SHISAL1: variants seen among roughly 807,000 people sequenced by gnomAD.
The protein encoded by SHISAL1 is protein shisa-like-1.
Under a neutral mutation model 22.6 loss-of-function variants are expected in SHISAL1, and 9 were observed. The observed-to-expected ratio is 0.40, with a 90% CI of 0.24 to 0.70. SHISAL1 has a LOEUF of 0.70. Among genes scored for constraint, SHISAL1 ranks in the 30% least tolerant of loss-of-function variants. The probability of loss-of-function intolerance (pLI) is 0.39; values close to 1 mark genes in which losing one functional copy is unlikely to be tolerated. For synonymous variants in SHISAL1, 119 were observed against 115.4 expected (o/e 1.03, Z -0.20); for missense variants, 246 against 270.6 (o/e 0.91, Z 0.64).
chr22:44,317,101 G>A (rs780738108), upstream of SHISAL1, among the ~76,000 whole-genome samples: 11 of 152,174 alleles, frequency 7.2e-5, no homozygotes, highest in Non-Finnish European at 1.6e-4. Flanking sequence ...CCCCATCGTC[G>A]GCTGGAGGGC....
intron 1 of SHISAL1, among the ~76,000 whole-genome samples, chr22:44,302,966 A>C (rs1397985102): frequency 6.6e-6 from 1 of 152,060 alleles, no homozygotes; most frequent in Non-Finnish European, 1.5e-5. Context: ...TTGGGGTATC[A>C]GCAGGGCCAC....
chr22:44,328,493 C>G, the SHISAL1 span, among the ~76,000 whole-genome samples: 1 of 152,112 alleles, frequency 6.6e-6, no homozygotes, highest in South Asian at 2.1e-4. Context: ...TGAGCCTGTT[C>G]GGTGAAGTCC....
chr22:44,257,728 C>T (rs1194704907), intron 4 of SHISAL1, among the ~76,000 whole-genome samples: 2 of 152,236 alleles, frequency 1.3e-5, no homozygotes, highest in African/African-American at 4.8e-5. Flanking sequence ...CCACCGTGCT[C>T]AGCAGACGAT....
rs150002253 is a variant in SHISAL1 at position 44,247,505 on chromosome 22, C to T, written c.*2180G>A. The T allele has an allele frequency of 4.3e-4, 66 of 152,576 alleles. No individual in the cohort carries two copies. The East Asian group carries it at 8.9e-3, about 21-fold the overall frequency. 9.5% of individuals were successfully genotyped at this position (152,576 alleles called of 1,614,324 possible). A position where few individuals can be genotyped will look rare whatever the true frequency, so the allele number is the denominator to read the frequency against. The stretch of plus-strand genomic sequence containing the variant: ...TCCTTTCTCCAATCGAGACCCCAAG[C>T]AGAGGTTCTCCCACTTTGCCAAGCC... On this transcript the variant is annotated 3_prime_UTR_variant, in exon 5 of 5. Coordinates refer to ENST00000381176, the MANE Select transcript of SHISAL1 (RefSeq NM_001099294.2).
intron 1 of SHISAL1, among the ~76,000 whole-genome samples, chr22:44,306,028 TC>T (rs1210905321): frequency 6.6e-6 from 1 of 152,200 alleles, no homozygotes; most frequent in Non-Finnish European, 1.5e-5. Flanking sequence ...TTTCTAATGA[TC>T]TGAGACAGCA....
intron 4 of SHISAL1, among the ~76,000 whole-genome samples, chr22:44,255,042 C>T (rs1206825008): frequency 2.0e-5 from 3 of 152,190 alleles, no homozygotes; most frequent in Non-Finnish European, 4.4e-5. Flanking sequence ...GCAGTCCCCT[C>T]TCCTGATCCT....
At chr22:44,262,363 G>C (rs2055131065) in intron 4 of SHISAL1, among the ~76,000 whole-genome samples, 1 of 151,968 alleles carries the variant, frequency 6.6e-6, no homozygotes, top group African/African-American at 2.4e-5. Context: ...AAGGTGTCTG[G>C]ACCTGATCCC....
At chr22:44,318,443 G>A in the SHISAL1 span, among the ~76,000 whole-genome samples, 68 of 152,344 alleles carry the variant, frequency 4.5e-4, no homozygotes, top group Non-Finnish European at 8.5e-4. Context: ...AGGGGGAAGC[G>A]GGTGCTGGGC....
At chr22:44,319,081 C>T in the SHISAL1 span, among the ~76,000 whole-genome samples, 1 of 152,242 alleles carries the variant, frequency 6.6e-6, no homozygotes. Context: ...AGGACAGTAG[C>T]CCGTGAAGAC....
chr22:44,327,140 C>T, the SHISAL1 span, among the ~76,000 whole-genome samples: 246 of 152,170 alleles, frequency 1.6e-3, 5 homozygotes, highest in Non-Finnish European at 7.4e-4. Flanking sequence ...GGGGCCTCTC[C>T]CCATCACAGC....
upstream of SHISAL1, among the ~76,000 whole-genome samples, chr22:44,313,258 G>C (rs1287509404): frequency 1.3e-5 from 2 of 152,258 alleles, no homozygotes; most frequent in African/African-American, 4.8e-5. Flanking sequence ...CACAATACAT[G>C]TGGGTTCCCT....
intron 1 of SHISAL1, among the ~76,000 whole-genome samples, chr22:44,306,549 GTGTGGAGGGGAACTGAGCT>G (rs2055476239): frequency 9.4e-6 from 1 of 106,216 alleles, no homozygotes; most frequent in Non-Finnish European, 1.9e-5. Context: ...ACGATGGCAT[GTGTGGAGGGGAACTGAGCT>G]CGGGGAGCTG....
chr22:44,261,045 AGTGGTGAGAATGTGGT>A (rs1445510194), intron 4 of SHISAL1, among the ~76,000 whole-genome samples: 2 of 143,186 alleles, frequency 1.4e-5, no homozygotes, highest in Non-Finnish European at 3.0e-5. Flanking sequence ...TTCTTGTGCC[AGTGGTGAGAATGTGGT>A]GTTTGCTTCA....
rs200253699 is a variant in SHISAL1, at chr22:44,296,691, A to T, written c.262T>A (p.Ser88Thr). The change falls in exon 3 of 5, where the codon TCC becomes ACC. Residue 88 changes from serine (S) to threonine (T), a missense_variant. Ser to Thr is a moderately conservative substitution (Grantham distance 58). Transcript: ENST00000381176. ...AVMQANLTAS[S>T]EGYMHNNYTA... is the part of the protein sequence containing the mutation. ...ACTCACTTGTGCATGTAACCCTCGG[A>T]GCTGGCCGTGAGGTTCGCCTGCATC... is the stretch of plus-strand genomic sequence containing the variant. 3.1e-6 allele frequency: 5 copies of T among 1,613,720 alleles called. No individual in the cohort carries two copies. The highest frequency in any genetic ancestry group is 4.2e-6 in the Non-Finnish European group (5 of 1,180,010).
chr22:44,245,223 C>A lies in SHISAL1; in HGVS notation c.*4462G>T, dbSNP rs2054988788. On this transcript the variant is annotated 3_prime_UTR_variant, in exon 5 of 5. Coordinates refer to ENST00000381176, the MANE Select transcript of SHISAL1 (RefSeq NM_001099294.2). ...ATTTTCACAGCAGACGAAAACAACC[C>A]ACGTGGATGTCTCCCTACAGTGATA... 1 of 152,214 alleles carries A rather than the reference C, an allele frequency of 6.6e-6. No individual in the cohort carries two copies. The highest frequency in any genetic ancestry group is 2.4e-5 in the African/African-American group (1 of 41,442). 9.4% of individuals were successfully genotyped at this position (152,214 alleles called of 1,614,324 possible). A position where few individuals can be genotyped will look rare whatever the true frequency, so the allele number is the denominator to read the frequency against.
intron 1 of SHISAL1, 78 bp from the exon 2 acceptor site, chr22:44,301,055 G>C (rs991949958): frequency 2.1e-6 from 2 of 941,240 alleles, no homozygotes; most frequent in Non-Finnish European, 3.3e-6. Context: ...AGCGGGGGAC[G>C]GGCAGGCGGG....
In SHISAL1 at chr22:44,245,810, C is replaced by T. The variant is rs2054995362; in HGVS notation, c.*3875G>A. ...AACCCCTAGCCCTGTCATGTTTTCC[C>T]TGACATTCCCAAGTCCTCCTCTTCA... On this transcript the variant is annotated 3_prime_UTR_variant, in exon 5 of 5. Coordinates refer to ENST00000381176, the MANE Select transcript of SHISAL1 (RefSeq NM_001099294.2). 1 of 152,260 alleles carries T rather than the reference C, an allele frequency of 6.6e-6. No homozygotes were observed. The highest frequency in any genetic ancestry group is 6.5e-5 in the Admixed American group (1 of 15,280). The allele number at this position is 152,260 out of a possible 1,614,324, so 9.4% of individuals were successfully genotyped here. A position where few individuals can be genotyped will look rare whatever the true frequency, so the allele number is the denominator to read the frequency against.
At chr22:44,326,904 A>G in the SHISAL1 span, among the ~76,000 whole-genome samples, 1 of 152,100 alleles carries the variant, frequency 6.6e-6, no homozygotes, top group African/African-American at 2.4e-5. Context: ...TTCATCATCT[A>G]GGAAATGTTT....
rs1217233547 is a variant in SHISAL1, at chr22:44,247,243, CTCT to C, written c.*2439_*2441del. ...CCTTAAATACCCATCTGACTCCTTC[CTCT>C]TACCGATGGGGAAACTGAGGTAACA... On this transcript the variant is annotated 3_prime_UTR_variant, in exon 5 of 5. Coordinates refer to ENST00000381176, the MANE Select transcript of SHISAL1 (RefSeq NM_001099294.2). The C allele has an allele frequency of 6.6e-6, 1 of 152,198 alleles. No individual in the cohort carries two copies. The highest frequency in any genetic ancestry group is 1.5e-5 in the Non-Finnish European group (1 of 68,076). 9.4% of individuals were successfully genotyped at this position (152,198 alleles called of 1,614,324 possible).
Sources: gnomAD v4.1 joint callset for allele counts (sites outside exome capture counted in the v4.1 genomes callset) on GRCh38, gnomAD v4.1.1 for gene constraint, MANE v1.5 for transcripts, NCBI Gene and HGNC (gene_info 2026-07-23, HGNC 2026-07-21) for gene names.